Variants in LRRC8D observed in about 807,000 individuals in gnomAD.
LRRC8D encodes leucine rich repeat containing 8 VRAC subunit D.
LRRC8D carries 20 observed loss-of-function variants against 55.8 expected under a neutral mutation model. The observed-to-expected ratio is 0.36, with a 90% CI of 0.25 to 0.52. The LOEUF (loss-of-function observed/expected upper bound fraction) is 0.52, where lower values mean the gene tolerates loss of function less well. Among genes scored for constraint, LRRC8D ranks in the 20% least tolerant of loss-of-function variants. The pLI, the probability that LRRC8D is intolerant of heterozygous loss-of-function variation, is 0.93. For synonymous variants in LRRC8D, 352 were observed against 377.0 expected, an observed-to-expected ratio of 0.93 and a Z score of 0.77; for missense variants, 651 against 1,030.8, an observed-to-expected ratio of 0.63 and a Z score of 5.05.
chr1:89,881,314 C>A (rs920905276), intron 2 of LRRC8D, among the ~76,000 whole-genome samples: 7 of 152,060 alleles, frequency 4.6e-5, no homozygotes, highest in African/African-American at 1.7e-4. Context: ...GCAAGGTTTT[C>A]CAGCTGAGGG....
Position 89,927,405 on chromosome 1 carries a change from T to G in LRRC8D, c.-2-5662T>G, listed in dbSNP as rs370148009. Among the ~76,000 whole-genome samples, 15 of 152,370 alleles carry G rather than the reference T, an allele frequency of 9.8e-5. 1 individual carries two copies. Among genetic ancestry groups the G allele is most frequent in the Admixed American group, 4.6e-4 (7 of 15,306 alleles). ...CATTCATTCTTGTTGCTGCCTAGTATTCTATTTTGTAAATATACCACATCT... is the reference window on the plus strand; with the variant it reads ...CATTCATTCTTGTTGCTGCCTAGTAGTCTATTTTGTAAATATACCACATCT... On this transcript the variant is annotated intron_variant, in intron 2 of 2. Transcript: ENST00000337338.
intron 2 of LRRC8D, among the ~76,000 whole-genome samples, chr1:89,915,488 T>C (rs768520930): frequency 2.4e-4 from 36 of 152,254 alleles, no homozygotes; most frequent in Non-Finnish European, 4.0e-4. Flanking sequence ...AGATAAATTC[T>C]ATCACTTGTA....
At position 89,911,727 on chromosome 1, in the gene LRRC8D, G is replaced by A. The variant is rs971199395; in HGVS notation, c.-2-21340G>A. ...AGACTTTTTCACCGAAAGTGCTCAG[G>A]CCAAAGTGTCAGGTGACTCTCAGCT... On this transcript the variant is annotated intron_variant, in intron 2 of 2. Transcript: ENST00000337338. This position sits in a 1 kb window ranked among gnomAD's most constrained non-coding sequence, Gnocchi z 4.0. Among the ~76,000 whole-genome samples the A allele has an allele frequency of 2.6e-5, 4 of 152,250 alleles. No individual in the cohort carries two copies. In the East Asian group the frequency reaches 5.8e-4, roughly 22 times the overall value.
intron 2 of LRRC8D, among the ~76,000 whole-genome samples, chr1:89,931,828 T>C (rs991644791): frequency 1.5e-4 from 23 of 152,028 alleles, no homozygotes; most frequent in African/African-American, 5.3e-4. Flanking sequence ...ATACATGCAT[T>C]CCCAAAACTC....
At chr1:89,881,610 C>G (rs916154106) in intron 2 of LRRC8D, among the ~76,000 whole-genome samples, 1 of 151,960 alleles carries the variant, frequency 6.6e-6, no homozygotes, top group Admixed American at 6.6e-5. Context: ...GCAAGGGGAG[C>G]TATGGTGTAA....
chr1:89,824,403 G>A (rs1205957319), intron 1 of LRRC8D, among the ~76,000 whole-genome samples: 1 of 152,216 alleles, frequency 6.6e-6, no homozygotes, highest in Non-Finnish European at 1.5e-5. Flanking sequence ...TGATAGTGGA[G>A]TAAGTTGGGA....
chr1:89,842,483 G>A (rs937954145), intron 1 of LRRC8D, among the ~76,000 whole-genome samples: 15 of 152,278 alleles, frequency 9.9e-5, no homozygotes, highest in Non-Finnish European at 1.0e-4. Flanking sequence ...ATATCTATCC[G>A]TTCCTTTCTG....
At chr1:89,922,745 C>T (rs1663456905) in intron 2 of LRRC8D, among the ~76,000 whole-genome samples, 1 of 152,188 alleles carries the variant, frequency 6.6e-6, no homozygotes, top group African/African-American at 2.4e-5. Context: ...TGTAGTATAG[C>T]ATGAATAGTT....
At position 89,925,386 on chromosome 1, in the gene LRRC8D, A is replaced by G. The variant is rs147713564; in HGVS notation, c.-2-7681A>G. 5.8e-3 allele frequency among the ~76,000 whole-genome samples: 888 copies of G among 152,312 alleles called. 11 individuals are homozygous for G. Among genetic ancestry groups the G allele is most frequent in the African/African-American group, 0.021 (857 of 41,558 alleles). The stretch of plus-strand genomic sequence containing the variant: ...ATATTACAGTGTAATAATAACAGAA[A>G]TAAAGTGCATAACAAATGTGATGCA... On this transcript the variant is annotated intron_variant, in intron 2 of 2. Coordinates refer to ENST00000337338, the MANE Select transcript of LRRC8D (RefSeq NM_001134479.2).
intron 2 of LRRC8D, among the ~76,000 whole-genome samples, chr1:89,910,153 G>C (rs2100938659): frequency 6.6e-6 from 1 of 152,194 alleles, no homozygotes; most frequent in African/African-American, 2.4e-5. Context: ...CCGAATATTT[G>C]GTCTGACTTT....
intron 2 of LRRC8D, among the ~76,000 whole-genome samples, chr1:89,875,648 ATATGT>A (rs1662128377): frequency 6.6e-6 from 1 of 152,178 alleles, no homozygotes; most frequent in Non-Finnish European, 1.5e-5. Flanking sequence ...CTTTATTTCT[ATATGT>A]TGTCATCTGA....
intron 2 of LRRC8D, among the ~76,000 whole-genome samples, chr1:89,881,333 A>C (rs529771946): frequency 1.6e-4 from 24 of 152,298 alleles, no homozygotes; most frequent in African/African-American, 5.8e-4. Context: ...GGTGGGGAGG[A>C]GATTTCTAAA....
chr1:89,910,057 T>G (rs1269421026), intron 2 of LRRC8D, among the ~76,000 whole-genome samples: 1 of 152,216 alleles, frequency 6.6e-6, no homozygotes, highest in Non-Finnish European at 1.5e-5. Flanking sequence ...GTGAGTTGTT[T>G]ATTCTTTTAA....
At chr1:89,821,753 C>G (rs1328580288) in intron 1 of LRRC8D, among the ~76,000 whole-genome samples, 1 of 152,020 alleles carries the variant, frequency 6.6e-6, no homozygotes, top group Non-Finnish European at 1.5e-5. Context: ...TCTCCAGAAT[C>G]GCCTCCCCTC....
intron 2 of LRRC8D, among the ~76,000 whole-genome samples, chr1:89,884,870 ACTATTACAGTTCCCAC>A (rs1332448348): frequency 6.6e-6 from 1 of 152,170 alleles, no homozygotes; most frequent in Non-Finnish European, 1.5e-5. Flanking sequence ...TTAGACCCGA[ACTATTACAGTTCCCAC>A]CTACATTTCT....
At chr1:89,825,035 AG>A (rs932493615) in intron 1 of LRRC8D, among the ~76,000 whole-genome samples, 14 of 152,042 alleles carry the variant, frequency 9.2e-5, no homozygotes, top group African/African-American at 3.4e-4. Context: ...TTTTTGGAGA[AG>A]TTTTTTTTGT....
chr1:89,841,509 T>C (rs1265584561), intron 1 of LRRC8D, among the ~76,000 whole-genome samples: 3 of 152,088 alleles, frequency 2.0e-5, no homozygotes, highest in Non-Finnish European at 4.4e-5. Context: ...CTAAGTGTTA[T>C]AGCAGAAGGA....
intron 2 of LRRC8D, among the ~76,000 whole-genome samples, chr1:89,866,138 C>G (rs1054380903): frequency 1.3e-5 from 2 of 152,222 alleles, no homozygotes; most frequent in African/African-American, 4.8e-5. Context: ...AAGTCTGCCT[C>G]TGTCCTTTCC....
chr1:89,893,525 A>G (rs566358642), intron 2 of LRRC8D, among the ~76,000 whole-genome samples: 1 of 152,362 alleles, frequency 6.6e-6, no homozygotes, highest in East Asian at 1.9e-4. Context: ...AAACAAAACA[A>G]CAGAAAATAC....
Sources: gnomAD v4.1 joint callset for allele counts (sites outside exome capture counted in the v4.1 genomes callset) on GRCh38, gnomAD v4.1.1 for gene constraint, Gnocchi (gnomAD v3.1) non-coding constraint, MANE v1.5 for transcripts, NCBI Gene and HGNC (gene_info 2026-07-23, HGNC 2026-07-21) for gene names.